AK8: variants seen among roughly 807,000 people sequenced by gnomAD.
The protein encoded by AK8 is ATP-AMP transphosphorylase 8.
AK8 carries 44 observed loss-of-function variants against 54.6 expected under a neutral mutation model. The ratio of observed to expected loss-of-function variants is 0.81; its 90% CI spans 0.63 to 1.04. The LOEUF (loss-of-function observed/expected upper bound fraction) is 1.04. Among genes scored for constraint, AK8 ranks in the 50% least tolerant of loss-of-function variants. The pLI, the probability that AK8 is intolerant of heterozygous loss-of-function variation, is 0.00. For missense variants in AK8, 555 were observed against 613.6 expected (o/e 0.90, Z 1.01); for synonymous variants, 239 against 245.6 (o/e 0.97, Z 0.25).
At chr9:132,829,744 T>G (rs1420205368) in intron 5 of AK8, among the ~76,000 whole-genome samples, 2 of 152,180 alleles carry the variant, frequency 1.3e-5, no homozygotes, top group Non-Finnish European at 2.9e-5. Context: ...TTTATAGAGA[T>G]AGAGTCTTGC....
intron 10 of AK8, among the ~76,000 whole-genome samples, chr9:132,800,024 A>C (rs1588144183): frequency 6.6e-6 from 1 of 152,236 alleles, no homozygotes; most frequent in Non-Finnish European, 1.5e-5. Flanking sequence ...TTGTTTTTTA[A>C]TTTCCATTTC....
chr9:132,756,092 T>C (rs1838176544), intron 11 of AK8, among the ~76,000 whole-genome samples: 1 of 152,220 alleles, frequency 6.6e-6, no homozygotes, highest in African/African-American at 2.4e-5. Flanking sequence ...AAATGAGGTG[T>C]ATTCCTCAGC....
Position 132,839,829 on chromosome 9 carries a change from G to C in AK8, c.403-11103C>G, listed in dbSNP as rs1032786144. On this transcript the variant is annotated intron_variant, in intron 5 of 12. Coordinates refer to ENST00000298545, the MANE Select transcript of AK8 (RefSeq NM_152572.3). ...AAAACATTTTTTTTGCCGGGGGGGG[G>C]GGCGCAGGGACGGAGCCTTGCTCTG... Among the ~76,000 whole-genome samples, 15 of 147,396 alleles carry C rather than the reference G, an allele frequency of 1.0e-4. 1 individual carries two copies. The highest frequency in any genetic ancestry group is 4.4e-4 in the South Asian group (2 of 4,592).
intron 4 of AK8, chr9:132,861,724 A>G (rs1843396121): frequency 6.6e-6 from 1 of 152,254 alleles, no homozygotes; most frequent in Non-Finnish European, 1.5e-5. Context: ...AAAGAGCCAT[A>G]AAGATTCCAA....
intron 11 of AK8, among the ~76,000 whole-genome samples, chr9:132,737,493 A>C (rs1380542838): frequency 6.6e-6 from 1 of 152,228 alleles, no homozygotes; most frequent in East Asian, 1.9e-4. Context: ...AATATTAGGA[A>C]ATTTAATTAA....
chr9:132,878,847 A>T, upstream of AK8: 1 of 898,210 alleles, frequency 1.1e-6, no homozygotes, highest in Non-Finnish European at 1.3e-6. This position sits in a 1 kb window ranked among gnomAD's most constrained non-coding sequence, Gnocchi z 4.7. Context: ...CACCGGCGGT[A>T]ACAATCACGC....
In AK8 at chr9:132,839,830, G is replaced by A. The variant is rs537430499; in HGVS notation, c.403-11104C>T. On this transcript the variant is annotated intron_variant, in intron 5 of 12. Coordinates refer to ENST00000298545, the MANE Select transcript of AK8 (RefSeq NM_152572.3). ...AAACATTTTTTTTGCCGGGGGGGGG[G>A]GCGCAGGGACGGAGCCTTGCTCTGT... 4.2e-5 allele frequency among the ~76,000 whole-genome samples: 6 copies of A among 141,434 alleles called. 1 individual carries two copies. The highest frequency in any genetic ancestry group is 1.1e-4 in the African/African-American group (4 of 36,424). 92.8% of individuals were successfully genotyped at this position (141,434 alleles called of 152,430 possible). A position where few individuals can be genotyped will look rare whatever the true frequency, so the allele number is the denominator to read the frequency against.
At chr9:132,765,692 CAATAA>C (rs1254490225) in intron 11 of AK8, among the ~76,000 whole-genome samples, 1 of 152,106 alleles carries the variant, frequency 6.6e-6, no homozygotes, top group East Asian at 1.9e-4. Context: ...TACCTTAACA[CAATAA>C]AGCTCATATA....
chr9:132,727,556 T>G, intron 11 of AK8, 22 bp from the exon 12 acceptor site: 1 of 1,602,742 alleles, frequency 6.2e-7, no homozygotes, highest in Non-Finnish European at 8.5e-7. Context: ...TAAACCATAT[T>G]AATAATGGTT....
At chr9:132,839,040 T>A (rs538704008) in intron 5 of AK8, among the ~76,000 whole-genome samples, 8 of 151,776 alleles carry the variant, frequency 5.3e-5, no homozygotes, top group Non-Finnish European at 1.0e-4. Context: ...GCCTCCTGGG[T>A]TCAAGCGATT....
At chr9:132,878,497 C>T, upstream of AK8, 1 of 1,204,774 alleles carries the variant, frequency 8.3e-7, no homozygotes, top group East Asian at 3.4e-5. The surrounding 1 kb of genome is among the most constrained non-coding windows in gnomAD (Gnocchi z 4.7). Context: ...GCGGGGGACA[C>T]CCTCAGGTGG....
At chr9:132,875,484 T>C (rs1212097721) in intron 1 of AK8, among the ~76,000 whole-genome samples, 5 of 152,244 alleles carry the variant, frequency 3.3e-5, no homozygotes, top group African/African-American at 1.2e-4. Context: ...CTGGGGCCCT[T>C]TGAGCTTCCC....
At chr9:132,759,977 T>A (rs971581610) in intron 11 of AK8, among the ~76,000 whole-genome samples, 134 of 152,304 alleles carry the variant, frequency 8.8e-4, no homozygotes, top group African/African-American at 3.1e-3. Context: ...TTTGGAATTT[T>A]AATTCTGATT....
In AK8 at chr9:132,782,613, C is replaced by T. The variant is rs144854074; in HGVS notation, c.1121+10021G>A. On this transcript the variant is annotated intron_variant, in intron 11 of 12. Coordinates refer to ENST00000298545, the MANE Select transcript of AK8 (RefSeq NM_152572.3). ...CTGAGGCAGGAGAATCACTTGAATC[C>T]GGAAGGCGGAGGTTGTAGTGAGCCA... 5.9e-5 allele frequency among the ~76,000 whole-genome samples: 9 copies of T among 152,010 alleles called. No homozygotes were observed. The South Asian group carries it at 8.3e-4, about 14-fold the overall frequency.
At chr9:132,877,970 C>A (rs965952752) in intron 1 of AK8, 6 of 1,385,628 alleles carry the variant, frequency 4.3e-6, no homozygotes, top group Non-Finnish European at 5.9e-6. Context: ...CCGCCTGAGG[C>A]AAACCCGGGC....
chr9:132,770,833 C>A lies in AK8; in HGVS notation c.1121+21801G>T, dbSNP rs1838940454. Among the ~76,000 whole-genome samples the A allele has an allele frequency of 6.6e-6, 1 of 152,176 alleles. No homozygotes were observed. Among genetic ancestry groups the A allele is most frequent in the Non-Finnish European group, 1.5e-5 (1 of 68,018 alleles). ...GCAGCTGCTGAGTGCACGGCAGACC[C>A]CCTGGCATGGGGTTACACCTTCTCT... On this transcript the variant is annotated intron_variant, in intron 11 of 12. Coordinates refer to ENST00000298545, the MANE Select transcript of AK8 (RefSeq NM_152572.3). The surrounding 1 kb of genome is among the most constrained non-coding windows in gnomAD (Gnocchi z 4.3).
chr9:132,848,296 C>T (rs1157945651), intron 5 of AK8, among the ~76,000 whole-genome samples: 3 of 152,078 alleles, frequency 2.0e-5, no homozygotes, highest in African/African-American at 7.2e-5. Flanking sequence ...GGCCCATTTC[C>T]AGTCACTCGG....
chr9:132,729,995 C>T (rs1287860144), intron 11 of AK8, among the ~76,000 whole-genome samples: 1 of 152,152 alleles, frequency 6.6e-6, no homozygotes, highest in African/African-American at 2.4e-5. Context: ...TCCTGAAAGC[C>T]GAATTCTGAG....
At chr9:132,736,759 T>C (rs1241198577) in intron 11 of AK8, among the ~76,000 whole-genome samples, 1 of 130,028 alleles carries the variant, frequency 7.7e-6, no homozygotes, top group Non-Finnish European at 1.6e-5. Context: ...CACTCCAGCC[T>C]GGGTGACAGA....
Sources: allele counts gnomAD v4.1 joint callset (sites outside exome capture counted in the v4.1 genomes callset), GRCh38; gene constraint gnomAD v4.1.1; non-coding constraint Gnocchi (gnomAD v3.1); transcripts MANE v1.5; gene names NCBI Gene and HGNC (gene_info 2026-07-23, HGNC 2026-07-21).